The following SOHLH2 variants were observed in gnomAD, a reference collection of about 807,000 sequenced individuals.
SOHLH2 encodes the protein spermatogenesis and oogenesis specific basic helix-loop-helix 2, also known as spermatogenesis- and oogenesis-specific basic helix-loop-helix-containing protein 2.
SOHLH2 carries 22 observed loss-of-function variants against 50.4 expected under a neutral mutation model. That is an observed-to-expected ratio of 0.44 (90% CI 0.31 to 0.62). The LOEUF is 0.62. Among genes scored for constraint, SOHLH2 ranks in the 20% least tolerant of loss-of-function variants. The pLI is 0.08. For synonymous variants in SOHLH2, 185 were observed against 187.3 expected, an observed-to-expected ratio of 0.99 and a Z score of 0.10; for missense variants, 412 against 504.4, an observed-to-expected ratio of 0.82 and a Z score of 1.76.
Position 36,214,533 on chromosome 13 carries a change from T to A in SOHLH2, c.-7A>T. ...AGATAATTGAGGAAGCCATGGCCGC[T>A]GCGCACGTGCTGGGTCCTGGGGCAG... On this transcript the variant is annotated 5_prime_UTR_variant, in exon 1 of 11. Coordinates refer to ENST00000379881, the MANE Select transcript of SOHLH2 (RefSeq NM_017826.3). 1.2e-6 allele frequency: 2 copies of A among 1,610,694 alleles called. No individual in the cohort carries two copies. Among genetic ancestry groups the A allele is most frequent in the Non-Finnish European group, 1.7e-6 (2 of 1,178,826 alleles).
intron 6 of SOHLH2, among the ~76,000 whole-genome samples, chr13:36,176,049 G>C (rs1186335620): frequency 6.6e-6 from 1 of 152,128 alleles, no homozygotes; most frequent in East Asian, 1.9e-4. Flanking sequence ...GATGCCTTAA[G>C]TAAGCTGCTG....
chr13:36,203,341 C>T (rs1042488645), intron 1 of SOHLH2, among the ~76,000 whole-genome samples: 22 of 152,106 alleles, frequency 1.4e-4, no homozygotes, highest in Non-Finnish European at 2.9e-4. Context: ...ATTTTCCAGG[C>T]GGTTATAGAT....
At chr13:36,176,530 G>A (rs2138272116) in intron 6 of SOHLH2, among the ~76,000 whole-genome samples, 1 of 152,148 alleles carries the variant, frequency 6.6e-6, no homozygotes, top group African/African-American at 2.4e-5. Context: ...TGGAATATTT[G>A]CATAGACATA....
chr13:36,193,596 A>G (rs1177629257), intron 4 of SOHLH2, 25 bp downstream of exon 4: 1 of 1,574,414 alleles, frequency 6.4e-7, no homozygotes, highest in East Asian at 2.3e-5. Flanking sequence ...TCAAATTTTG[A>G]AACCTTTGGA....
At chr13:36,206,388 A>T (rs1593960968) in intron 1 of SOHLH2, among the ~76,000 whole-genome samples, 1 of 152,040 alleles carries the variant, frequency 6.6e-6, no homozygotes, top group East Asian at 1.9e-4. Context: ...TAATTAGTTT[A>T]TAATTTCAGT....
chr13:36,185,111 T>C (rs902278915), intron 6 of SOHLH2, among the ~76,000 whole-genome samples: 8 of 152,214 alleles, frequency 5.3e-5, no homozygotes, highest in African/African-American at 1.9e-4. Flanking sequence ...TCATTCTTTG[T>C]TATGGCTACA....
chr13:36,211,213 G>C (rs562883851), intron 1 of SOHLH2, among the ~76,000 whole-genome samples: 7 of 152,348 alleles, frequency 4.6e-5, no homozygotes, highest in African/African-American at 1.7e-4. Context: ...TTTTGAGAAT[G>C]AAAGGAGGTG....
At chr13:36,203,525 A>G (rs1159341424) in intron 1 of SOHLH2, among the ~76,000 whole-genome samples, 4 of 152,154 alleles carry the variant, frequency 2.6e-5, no homozygotes, top group Non-Finnish European at 5.9e-5. Flanking sequence ...TTATAAATAC[A>G]TCTGTGTGCA....
intron 2 of SOHLH2, among the ~76,000 whole-genome samples, chr13:36,199,824 A>G (rs1887845611): frequency 1.3e-5 from 2 of 152,224 alleles, no homozygotes; most frequent in African/African-American, 4.8e-5. Context: ...GATAGTGAGC[A>G]AATGCAAAGC....
intron 2 of SOHLH2, among the ~76,000 whole-genome samples, chr13:36,200,942 A>G (rs927992280): frequency 6.7e-6 from 1 of 150,000 alleles, no homozygotes; most frequent in Non-Finnish European, 1.5e-5. Flanking sequence ...CCAGTTACTC[A>G]GGAGACTGAG....
intron 4 of SOHLH2, among the ~76,000 whole-genome samples, chr13:36,192,940 A>G (rs1040725963): frequency 1.3e-5 from 2 of 152,190 alleles, no homozygotes; most frequent in African/African-American, 4.8e-5. Flanking sequence ...ATTTAACATC[A>G]TCTTAATTTT....
At chr13:36,190,103 C>T (rs766449039) in intron 5 of SOHLH2, 47 bp from the exon 6 acceptor site, 10 of 1,545,568 alleles carry the variant, frequency 6.5e-6, no homozygotes, top group Admixed American at 5.7e-5. Context: ...GGAAAATTGT[C>T]GGGCAAAATT....
At chr13:36,175,967 C>T (rs1350739917) in intron 6 of SOHLH2, among the ~76,000 whole-genome samples, 1 of 152,054 alleles carries the variant, frequency 6.6e-6, no homozygotes, top group African/African-American at 2.4e-5. Flanking sequence ...ACACAGAGCA[C>T]AGTATGTATA....
intron 1 of SOHLH2, among the ~76,000 whole-genome samples, chr13:36,213,738 G>A (rs74045242): frequency 2.6e-5 from 4 of 152,114 alleles, no homozygotes; most frequent in Admixed American, 6.5e-5. Context: ...AGCAGGTCCC[G>A]TTCCCACCAC....
intron 6 of SOHLH2, chr13:36,182,043 C>T (rs576454849): frequency 4.1e-6 from 4 of 981,244 alleles, no homozygotes; most frequent in Admixed American, 1.2e-4. Flanking sequence ...TTTTAAAAAC[C>T]AATAGTATAT....
At position 36,193,652 on chromosome 13, in the gene SOHLH2, TACC is replaced by T. The variant is rs1887640502; in HGVS notation, c.396_398del (p.Val133del). The T allele has an allele frequency of 8.7e-6, 14 of 1,612,222 alleles. No homozygotes were observed. Among genetic ancestry groups the T allele is most frequent in the Non-Finnish European group, 1.2e-5 (14 of 1,179,644 alleles). The stretch of plus-strand genomic sequence containing the variant: ...TTGAGGGACATGTTGTCCAGTATTT[TACC>T]ACATTACTCATTTTTTCCATTGTCA... On this transcript the variant is annotated inframe_deletion, in exon 4 of 11. Transcript: ENST00000379881.
intron 1 of SOHLH2, among the ~76,000 whole-genome samples, chr13:36,210,588 A>ATGTTT (rs1869059896): frequency 6.6e-6 from 1 of 152,124 alleles, no homozygotes; most frequent in Non-Finnish European, 1.5e-5. Flanking sequence ...TACTTGAAGG[A>ATGTTT]ATCATCACAT....
intron 1 of SOHLH2, among the ~76,000 whole-genome samples, chr13:36,207,683 A>T (rs9575570): frequency 0.16 from 23,868 of 152,112 alleles, 2,266 homozygotes; most frequent in East Asian, 0.42. Context: ...TCCCATCTGG[A>T]TAATAGGTTG....
At position 36,174,461 on chromosome 13, in the gene SOHLH2, AAGCCCTT is replaced by A. The variant is rs1566035324; in HGVS notation, c.881+8_881+14del. The A allele has an allele frequency of 1.2e-6, 2 of 1,609,854 alleles. No homozygotes were observed. Among genetic ancestry groups the A allele is most frequent in the Admixed American group, 3.4e-5 (2 of 58,762 alleles). On this transcript the variant is annotated splice_region_variant and intron_variant, in intron 8 of 10. Coordinates refer to ENST00000379881, the MANE Select transcript of SOHLH2 (RefSeq NM_017826.3). ...TAACTAGCAGACTTCAGATTCGCAAAAGCCCTTATCATACCGCTGTGCCATGACAGTG... is the reference window on the plus strand; with the variant it reads ...TAACTAGCAGACTTCAGATTCGCAAAATCATACCGCTGTGCCATGACAGTG...
Sources: gnomAD v4.1 joint callset for allele counts (sites outside exome capture counted in the v4.1 genomes callset) on GRCh38, gnomAD v4.1.1 for gene constraint, MANE v1.5 for transcripts, NCBI Gene and HGNC (gene_info 2026-07-23, HGNC 2026-07-21) for gene names.